Variants in CACNA1A observed in about 807,000 individuals in gnomAD.
CACNA1A encodes calcium voltage-gated channel subunit alpha1 A.
Under a neutral mutation model 262.4 loss-of-function variants are expected in CACNA1A, and 57 were observed. The observed-to-expected ratio is 0.22, with a 90% confidence interval of 0.18 to 0.27. The LOEUF is 0.27. Ranked by LOEUF, CACNA1A falls within the 10% of genes least tolerant of loss-of-function variation. CACNA1A has a pLI of 1.00. For synonymous variants in CACNA1A, 1,431 were observed against 1,419.3 expected (o/e 1.01, Z -0.18); for missense variants, 2,526 against 3,562.8 (o/e 0.71, Z 7.41).
chr19:13,497,292 G>A (rs977168939), intron 1 of CACNA1A, among the ~76,000 whole-genome samples: 5 of 150,430 alleles, frequency 3.3e-5, no homozygotes, highest in South Asian at 2.1e-4. Flanking sequence ...TTAACACCTC[G>A]AATTCATTCA....
In CACNA1A at chr19:13,233,054, T is replaced by TA. The variant is rs201457817; in HGVS notation, c.5250-1195dup. On this transcript the variant is annotated intron_variant, in intron 34 of 46. Transcript: ENST00000360228. Reference sequence around the variant, plus strand: ...ACAAGACCGAAACTCTGTCTCAGATTAAAAAAAAAAAAAAGCTCCCCTCCA... The same window carrying TA: ...ACAAGACCGAAACTCTGTCTCAGATTAAAAAAAAAAAAAAAGCTCCCCTCCA... Among the ~76,000 whole-genome samples, 44 of 135,310 alleles carry TA rather than the reference T, an allele frequency of 3.3e-4. 1 individual carries two copies. Among genetic ancestry groups the TA allele is most frequent in the South Asian group, 4.8e-4 (2 of 4,198 alleles). The allele number at this position is 135,310 out of a possible 152,430, so 88.8% of individuals were successfully genotyped here.
At chr19:13,476,047 C>T (rs996822064) in intron 1 of CACNA1A, among the ~76,000 whole-genome samples, 1 of 152,156 alleles carries the variant, frequency 6.6e-6, no homozygotes, top group Non-Finnish European at 1.5e-5. Context: ...TCTGAAGCTG[C>T]CATCTTGGCT....
At position 13,371,799 on chromosome 19, in the gene CACNA1A, A is replaced by C; in HGVS notation, c.540-20T>G. ...AAGATGCTGAAAGAAAGAAGCCAGA[A>C]TGGAGAACAGAGGGTGGGTTTTGGG... On this transcript the variant is annotated intron_variant, in intron 3 of 46. Transcript: ENST00000360228. 1 of 1,539,166 alleles carries C rather than the reference A, an allele frequency of 6.5e-7. No homozygotes were observed. Among genetic ancestry groups the C allele is most frequent in the Non-Finnish European group, 8.8e-7 (1 of 1,133,444 alleles).
Position 13,286,936 on chromosome 19 carries a change from C to G in CACNA1A, c.3120G>C (p.Ser1040=), listed in dbSNP as rs763969240. The change falls in exon 20 of 47, where the codon TCG becomes TCC. Residue 1040 remains serine (S), a synonymous_variant. Coordinates refer to ENST00000360228, the MANE Select transcript of CACNA1A (RefSeq NM_001127222.2). ...KENQGSGVPV[S]GPNLSTTRPI... ...GCCGGGTGGTTGACAGGTTGGGGCC[C>G]GACACAGGGACCCCGGAGCCCTGGT... The G allele has an allele frequency of 6.2e-7, 1 of 1,607,480 alleles. No individual in the cohort carries two copies. Among genetic ancestry groups the G allele is most frequent in the Non-Finnish European group, 8.5e-7 (1 of 1,176,086 alleles).
At chr19:13,496,683 G>C (rs900993957) in intron 1 of CACNA1A, among the ~76,000 whole-genome samples, 2 of 152,188 alleles carry the variant, frequency 1.3e-5, no homozygotes. Flanking sequence ...AGGGAGTTGA[G>C]AGACTTGGCA....
intron 10 of CACNA1A, among the ~76,000 whole-genome samples, chr19:13,329,786 T>C (rs1464701053): frequency 3.3e-5 from 5 of 149,376 alleles, no homozygotes; most frequent in Admixed American, 6.7e-5. Context: ...TTTGTGTCTT[T>C]TTTTTTTTTT....
rs549580116 is a variant in CACNA1A at position 13,441,881 on chromosome 19, C to T, written c.539+10995G>A. On this transcript the variant is annotated intron_variant, in intron 3 of 46. Coordinates refer to ENST00000360228, the MANE Select transcript of CACNA1A (RefSeq NM_001127222.2). The stretch of plus-strand genomic sequence containing the variant: ...CAATTCGAGAAAACAAGACCTCAGT[C>T]GGCCCCCAAACCTGCGGAGAGATGG... Among the ~76,000 whole-genome samples, 4 of 152,192 alleles carry T rather than the reference C, an allele frequency of 2.6e-5. No individual in the cohort carries two copies. In the East Asian group the frequency reaches 5.8e-4, roughly 22 times the overall value.
At chr19:13,320,001 G>A (rs1193969480) in intron 10 of CACNA1A, among the ~76,000 whole-genome samples, 1 of 152,138 alleles carries the variant, frequency 6.6e-6, no homozygotes, top group Non-Finnish European at 1.5e-5. Context: ...CAGTTGGCCA[G>A]GCCCAGTGGC....
At chr19:13,244,211 T>C in intron 31 of CACNA1A, 1 of 152,214 alleles carries the variant, frequency 6.6e-6, no homozygotes, top group Non-Finnish European at 1.5e-5. Context: ...CTGGACACCT[T>C]GCCACCCTTG....
chr19:13,221,212 T>TTTTCTTTTCTTTTC (rs2055203586), intron 38 of CACNA1A, among the ~76,000 whole-genome samples: 4 of 40,956 alleles, frequency 9.8e-5, no homozygotes, highest in Admixed American at 3.8e-4. Flanking sequence ...TCCCATTTGT[T>TTTTCTTTTCTTTTC]TTTTCTTTTC....
In CACNA1A at chr19:13,309,817, C is replaced by A. The variant is rs143706281; in HGVS notation, c.1669-1289G>T. On this transcript the variant is annotated intron_variant, in intron 12 of 46. Transcript: ENST00000360228. The stretch of plus-strand genomic sequence containing the variant: ...AACCATTTTCTTACCTTAAAAAAAA[C>A]TGAGGTGAAATTCACATAACATAAA... Among the ~76,000 whole-genome samples, 1,130 of 152,228 alleles carry A rather than the reference C, an allele frequency of 7.4e-3. 10 individuals are homozygous for A. The highest frequency in any genetic ancestry group is 0.025 in the African/African-American group (1,054 of 41,530).
chr19:13,456,680 A>G (rs2061015727), intron 1 of CACNA1A, among the ~76,000 whole-genome samples: 1 of 152,222 alleles, frequency 6.6e-6, no homozygotes, highest in Admixed American at 6.5e-5. Flanking sequence ...TCTCAAAAAA[A>G]TAAAAAATAA....
chr19:13,462,051 G>T (rs967434889), intron 1 of CACNA1A, among the ~76,000 whole-genome samples: 1 of 152,212 alleles, frequency 6.6e-6, no homozygotes, highest in Non-Finnish European at 1.5e-5. Flanking sequence ...TTGCATCTGA[G>T]AACAGGACCT....
chr19:13,454,473 C>A (rs998837910), intron 2 of CACNA1A, among the ~76,000 whole-genome samples: 1 of 151,908 alleles, frequency 6.6e-6, no homozygotes, highest in Non-Finnish European at 1.5e-5. Flanking sequence ...CGGGTTCAAG[C>A]GATTCTCCTG....
rs1278781348 is a variant in CACNA1A at position 13,498,436 on chromosome 19, G to T, written c.293+7496C>A. On this transcript the variant is annotated intron_variant, in intron 1 of 46. Transcript: ENST00000360228. ...ACTGGCAAGTGGGTGACTAAGTTGG[G>T]TTTCCCTCATGGCTTCAGAGAGGGG... Among the ~76,000 whole-genome samples the T allele has an allele frequency of 2.6e-5, 4 of 152,084 alleles. No homozygotes were observed. The South Asian group carries it at 8.3e-4, about 32-fold the overall frequency.
chr19:13,298,973 T>C lies in CACNA1A; in HGVS notation c.2660A>G (p.Gln887Arg). The change falls in exon 19 of 47, where the codon CAG becomes CGG. Residue 887 changes from glutamine (Q) to arginine (R), a missense_variant. Physicochemically the swap from Gln to Arg is conservative, Grantham distance 43 (BLOSUM62 1). Transcript: ENST00000360228. ...TCCCTCCCGGCTCAGCTCGGCCTCC[T>C]GGCTTCCCGCCCAGGGCCTCCGTGC... ...LDARRPWAGS[Q>R]EAELSREGPY... 1.3e-6 allele frequency: 2 copies of C among 1,584,804 alleles called. No individual in the cohort carries two copies. The highest frequency in any genetic ancestry group is 1.1e-5 in the South Asian group (1 of 89,206).
chr19:13,285,340 A>G (rs1245075138), intron 20 of CACNA1A, 134 bp from the exon 21 acceptor site: 1 of 869,832 alleles, frequency 1.1e-6, no homozygotes, highest in South Asian at 1.8e-5. Context: ...CAGGCATCTT[A>G]TGACATCACT....
intron 1 of CACNA1A, among the ~76,000 whole-genome samples, chr19:13,477,754 TG>T (rs1489407386): frequency 3.9e-5 from 6 of 152,234 alleles, no homozygotes; most frequent in African/African-American, 1.4e-4. Context: ...CTTTTGGCTC[TG>T]ACAGTGGCCT....
chr19:13,400,502 C>T (rs1290079782), intron 3 of CACNA1A, among the ~76,000 whole-genome samples: 1 of 152,120 alleles, frequency 6.6e-6, no homozygotes, highest in East Asian at 1.9e-4. Flanking sequence ...CAGCAGCTTG[C>T]CACCATCATG....
Sources: gnomAD v4.1 joint callset for allele counts (sites outside exome capture counted in the v4.1 genomes callset) on GRCh38, gnomAD v4.1.1 for gene constraint, MANE v1.5 for transcripts, NCBI Gene and HGNC (gene_info 2026-07-23, HGNC 2026-07-21) for gene names.